Variants in TSHZ2 observed in about 807,000 individuals in gnomAD.
The protein encoded by TSHZ2 is teashirt zinc finger homeobox 2, also known as teashirt homolog 2.
TSHZ2 carries 21 observed loss-of-function variants against 74.4 expected under a neutral mutation model. The observed-to-expected ratio is 0.28, with a 90% CI of 0.20 to 0.41. The LOEUF (loss-of-function observed/expected upper bound fraction) is 0.41. Among genes scored for constraint, TSHZ2 ranks in the 10% least tolerant of loss-of-function variants. The pLI, the probability that TSHZ2 is intolerant of heterozygous loss-of-function variation, is 1.00. For synonymous variants in TSHZ2, 540 were observed against 515.3 expected, an observed-to-expected ratio of 1.05 and a Z score of -0.65; for missense variants, 1,244 against 1,293.5, an observed-to-expected ratio of 0.96 and a Z score of 0.59.
intron 1 of TSHZ2, among the ~76,000 whole-genome samples, chr20:53,089,557 A>C (rs1985811316): frequency 6.6e-6 from 1 of 152,180 alleles, no homozygotes; most frequent in South Asian, 2.1e-4. Flanking sequence ...TGACTGAGAA[A>C]AGATTTGCCC....
chr20:53,247,121 G>T (rs1990226475), intron 1 of TSHZ2, among the ~76,000 whole-genome samples: 1 of 152,204 alleles, frequency 6.6e-6, no homozygotes, highest in African/African-American at 2.4e-5. Flanking sequence ...TCAGACAGAG[G>T]AGGGAGCAAA....
chr20:53,466,073 C>G (rs1467621257), intron 2 of TSHZ2, among the ~76,000 whole-genome samples: 2 of 151,608 alleles, frequency 1.3e-5, no homozygotes, highest in Non-Finnish European at 2.9e-5. Flanking sequence ...ATGGTGAAAC[C>G]CCGTCTCTAC....
chr20:53,180,876 C>A (rs1311112524), intron 1 of TSHZ2, among the ~76,000 whole-genome samples: 4 of 152,130 alleles, frequency 2.6e-5, no homozygotes, highest in East Asian at 1.9e-4. Context: ...GGAATTGGAG[C>A]TTTTGTTTTG....
At chr20:53,067,897 T>TC (rs1324200508) in intron 1 of TSHZ2, among the ~76,000 whole-genome samples, 1 of 152,156 alleles carries the variant, frequency 6.6e-6, no homozygotes, top group Non-Finnish European at 1.5e-5. Context: ...ATGGCATTGC[T>TC]CCCACTGAAG....
chr20:53,222,364 A>G (rs895172656), intron 1 of TSHZ2, among the ~76,000 whole-genome samples: 19 of 152,272 alleles, frequency 1.2e-4, no homozygotes, highest in African/African-American at 3.6e-4. Context: ...GTGTACCTCA[A>G]TGCAGACCAG....
rs147382502 is a variant in TSHZ2 at position 53,433,286 on chromosome 20, G to T, written c.*9-53858G>T. 5.3e-5 allele frequency among the ~76,000 whole-genome samples: 8 copies of T among 152,306 alleles called. No individual in the cohort carries two copies. The East Asian group carries it at 1.5e-3, about 29-fold the overall frequency. On this transcript the variant is annotated intron_variant, in intron 2 of 2. Coordinates refer to ENST00000371497, the MANE Select transcript of TSHZ2 (RefSeq NM_173485.6). ...AGGCACTAAGGAAGGAGGATCACTT[G>T]AGCATGGGGGTTCTAGACTGCAGTG...
intron 1 of TSHZ2, among the ~76,000 whole-genome samples, chr20:53,169,368 G>A (rs1297322570): frequency 6.6e-6 from 1 of 152,176 alleles, no homozygotes; most frequent in Non-Finnish European, 1.5e-5. Context: ...TTGAGCTCTA[G>A]TCTCCCATGC....
chr20:53,003,257 TG>T (rs1160549794), intron 1 of TSHZ2, among the ~76,000 whole-genome samples: 8 of 61,912 alleles, frequency 1.3e-4, no homozygotes, highest in Non-Finnish European at 3.2e-4. Flanking sequence ...CCAGGGATGG[TG>T]TGTGTGTGTG....
At chr20:53,106,453 G>A (rs1318498061) in intron 1 of TSHZ2, among the ~76,000 whole-genome samples, 4 of 117,014 alleles carry the variant, frequency 3.4e-5, no homozygotes, top group Non-Finnish European at 6.5e-5. Context: ...CTCCCAAGCT[G>A]GAGTGCAGTG....
chr20:53,405,047 C>T (rs1982792301), intron 2 of TSHZ2, among the ~76,000 whole-genome samples: 2 of 152,098 alleles, frequency 1.3e-5, no homozygotes, highest in African/African-American at 2.4e-5. Flanking sequence ...GCCAGAAGTT[C>T]GAAACCAGCC....
At chr20:53,203,345 C>G (rs1364839697) in intron 1 of TSHZ2, among the ~76,000 whole-genome samples, 1 of 152,064 alleles carries the variant, frequency 6.6e-6, no homozygotes, top group Non-Finnish European at 1.5e-5. Context: ...TAGGCACCCA[C>G]CACCATACCT....
chr20:53,354,200 G>T (rs1445025662), intron 2 of TSHZ2, among the ~76,000 whole-genome samples: 3 of 152,204 alleles, frequency 2.0e-5, no homozygotes, highest in Non-Finnish European at 4.4e-5. Context: ...GGGGTAGAGA[G>T]CATAGACTAG....
At chr20:53,410,537 G>A (rs912139727) in intron 2 of TSHZ2, among the ~76,000 whole-genome samples, 3 of 151,412 alleles carry the variant, frequency 2.0e-5, no homozygotes, top group Non-Finnish European at 4.4e-5. Context: ...TCTGGGCTTG[G>A]CATACATAAC....
intron 1 of TSHZ2, among the ~76,000 whole-genome samples, chr20:53,040,433 T>C (rs1262207897): frequency 6.6e-6 from 1 of 152,070 alleles, no homozygotes; most frequent in Non-Finnish European, 1.5e-5. Context: ...TGGTGTCAAA[T>C]GCAATGGGAG....
chr20:53,375,534 A>G (rs1981629557), intron 2 of TSHZ2, among the ~76,000 whole-genome samples: 2 of 152,200 alleles, frequency 1.3e-5, no homozygotes, highest in Non-Finnish European at 2.9e-5. Context: ...CCCATTAGTC[A>G]TCAGAGCATT....
At chr20:53,028,468 C>T (rs1202342275) in intron 1 of TSHZ2, among the ~76,000 whole-genome samples, 1 of 152,220 alleles carries the variant, frequency 6.6e-6, no homozygotes, top group East Asian at 1.9e-4. Flanking sequence ...TTTGATGACT[C>T]GCTGCTCCTG....
chr20:53,011,776 GA>G (rs1305717132), intron 1 of TSHZ2, among the ~76,000 whole-genome samples: 2 of 152,126 alleles, frequency 1.3e-5, no homozygotes, highest in African/African-American at 4.8e-5. Context: ...TTTACACTGG[GA>G]AAATCGAACA....
chr20:53,226,186 G>A (rs1989684108), intron 1 of TSHZ2, among the ~76,000 whole-genome samples: 2 of 151,146 alleles, frequency 1.3e-5, no homozygotes, highest in South Asian at 4.2e-4. Context: ...TGCTAACTCA[G>A]CTACTAATAA....
At chr20:53,473,380 C>T (rs1344533884) in intron 2 of TSHZ2, among the ~76,000 whole-genome samples, 1 of 142,358 alleles carries the variant, frequency 7.0e-6, no homozygotes, top group Non-Finnish European at 1.5e-5. Flanking sequence ...CTGGCAGGCA[C>T]CCCCCAGCAG....
Sources: gnomAD v4.1 joint callset for allele counts (sites outside exome capture counted in the v4.1 genomes callset) on GRCh38, gnomAD v4.1.1 for gene constraint, MANE v1.5 for transcripts, NCBI Gene and HGNC (gene_info 2026-07-23, HGNC 2026-07-21) for gene names.